The following CACNA1E variants were observed in gnomAD, a reference collection of about 807,000 sequenced individuals.
The protein encoded by CACNA1E is calcium voltage-gated channel subunit alpha1 E, also known as voltage-dependent R-type calcium channel subunit alpha-1E.
Under a neutral mutation model 259.2 loss-of-function variants are expected in CACNA1E, and 40 were observed. The observed-to-expected ratio is 0.15, with a 90% CI of 0.12 to 0.20. CACNA1E has a LOEUF of 0.20. Among genes scored for constraint, CACNA1E ranks in the 10% least tolerant of loss-of-function variants. The pLI is 1.00. For missense variants in CACNA1E, 1,874 were observed against 3,040.1 expected (o/e 0.62, Z 9.02); for synonymous variants, 1,104 against 1,138.5 (o/e 0.97, Z 0.61).
intron 1 of CACNA1E, among the ~76,000 whole-genome samples, chr1:181,402,827 A>T (rs998469355): frequency 6.6e-6 from 1 of 152,156 alleles, no homozygotes; most frequent in African/African-American, 2.4e-5. Context: ...TACAACCTAT[A>T]CTATCCTTAC....
chr1:181,804,101 T>A lies in CACNA1E; in HGVS notation c.*5267T>A, dbSNP rs1211579529. On this transcript the variant is annotated 3_prime_UTR_variant, in exon 48 of 48. Transcript: ENST00000367573. ...GTTTGCATTTTTATTTTTGGAGGTA[T>A]GAAAGAGTTGAGTAGACCAAGTCAA... 6.6e-6 allele frequency: 1 copy of A among 152,246 alleles called. No individual in the cohort carries two copies. Among genetic ancestry groups the A allele is most frequent in the East Asian group, 1.9e-4 (1 of 5,204 alleles). 9.4% of individuals were successfully genotyped at this position (152,246 alleles called of 1,614,324 possible).
chr1:181,551,097 C>T (rs1222119922), intron 3 of CACNA1E, among the ~76,000 whole-genome samples: 3 of 152,070 alleles, frequency 2.0e-5, no homozygotes, highest in Non-Finnish European at 4.4e-5. Context: ...ATGAGATTCC[C>T]CAGTGGCTCG....
Position 181,455,417 on chromosome 1 carries a change from C to T in CACNA1E, c.435-28327C>T, listed in dbSNP as rs113407923. 1.5e-3 allele frequency among the ~76,000 whole-genome samples: 235 copies of T among 152,230 alleles called. 1 individual carries two copies. The highest frequency in any genetic ancestry group is 5.3e-3 in the African/African-American group (221 of 41,532). ...GGGAGGCTTCCTCTTGAGAGGATAACGTGAGAAGAGCCTTGGGAGCAAGTG... is the reference window on the plus strand; with the variant it reads ...GGGAGGCTTCCTCTTGAGAGGATAATGTGAGAAGAGCCTTGGGAGCAAGTG... On this transcript the variant is annotated intron_variant, in intron 2 of 11. Coordinates refer to the CACNA1E transcript ENST00000524607.
rs1558317235 is a variant in CACNA1E at position 181,731,221 on chromosome 1, A to G, written c.2287A>G (p.Ser763Gly). ...CCACATGTCGATGTGGGAGCCACGC[A>G]GCAGCCACCTGTATGTGTGTACCAG... ...RHHMSMWEPR[S>G]SHLRERRRRH... Residue 763 changes from serine to glycine, a missense_variant, in exon 19 of 48, where the codon AGC (serine) becomes GGC (glycine). Coordinates refer to ENST00000367573, the MANE Select transcript of CACNA1E (RefSeq NM_001205293.3). 5 of 1,613,636 alleles carry G rather than the reference A, an allele frequency of 3.1e-6. No individual in the cohort carries two copies. The East Asian group carries it at 1.1e-4, about 36-fold the overall frequency.
Position 181,548,129 on chromosome 1 carries a change from C to CTTTTTTTTCTTTTTTTTTT in CACNA1E, c.513-29629_513-29628insCTTTTTTTTTTTTTTTTTT, listed in dbSNP as rs537628921. Among the ~76,000 whole-genome samples, 3 of 133,376 alleles carry CTTTTTTTTCTTTTTTTTTT rather than the reference C, an allele frequency of 2.2e-5. 1 individual carries two copies. Among genetic ancestry groups the CTTTTTTTTCTTTTTTTTTT allele is most frequent in the Non-Finnish European group, 3.0e-5 (2 of 65,732 alleles). 87.5% of individuals were successfully genotyped at this position (133,376 alleles called of 152,430 possible). On this transcript the variant is annotated intron_variant, in intron 3 of 47. Transcript: ENST00000367573. ...TCTGTTCCCATAACACTTTTTTTTT[C>CTTTTTTTTCTTTTTTTTTT]TTTTTTTTTTTTTGAGTCAGGGTCT...
chr1:181,666,970 CA>C (rs1648297438), intron 7 of CACNA1E, among the ~76,000 whole-genome samples: 1 of 151,968 alleles, frequency 6.6e-6, no homozygotes, highest in Admixed American at 6.6e-5. Context: ...AAAGAAAACA[CA>C]GACAATTTAA....
At position 181,483,949 on chromosome 1, in the gene CACNA1E, C is replaced by A. The variant is rs748342726; in HGVS notation, c.205C>A (p.Leu69Met). The A allele has an allele frequency of 6.2e-7, 1 of 1,613,480 alleles. No homozygotes were observed. The highest frequency in any genetic ancestry group is 1.1e-5 in the South Asian group (1 of 91,068). The change falls in exon 1 of 48, where the codon CTG (leucine) becomes ATG (methionine). Residue 69 changes from leucine (L) to methionine (M), a missense_variant. Leu to Met is a conservative substitution (Grantham distance 15). Coordinates refer to ENST00000367573, the MANE Select transcript of CACNA1E (RefSeq NM_001205293.3). ...GAACTGTTTCACCGTCAACAGATCC[C>A]TGTTCATCTTCGGAGAAGATAACAT... ...RQNCFTVNRS[L>M]FIFGEDNIVR...
chr1:181,356,931 A>G (rs1016710363), intron 1 of CACNA1E, among the ~76,000 whole-genome samples: 9 of 152,150 alleles, frequency 5.9e-5, no homozygotes, highest in African/African-American at 2.2e-4. Context: ...TCTAAATATA[A>G]CCACGGCAGC....
intron 6 of CACNA1E, among the ~76,000 whole-genome samples, chr1:181,627,426 G>C (rs889537764): frequency 6.6e-6 from 1 of 152,222 alleles, no homozygotes; most frequent in African/African-American, 2.4e-5. Context: ...TCAAAGGACC[G>C]TGAATGTTTC....
At chr1:181,399,305 C>T (rs1460257238) in intron 1 of CACNA1E, among the ~76,000 whole-genome samples, 2 of 150,256 alleles carry the variant, frequency 1.3e-5, no homozygotes, top group African/African-American at 4.9e-5. Flanking sequence ...TTAGAAAACA[C>T]TGAGTTATTT....
chr1:181,478,244 T>C (rs1348507156), intron 2 of CACNA1E, among the ~76,000 whole-genome samples: 2 of 152,218 alleles, frequency 1.3e-5, no homozygotes. Flanking sequence ...TTTAAAACAC[T>C]TTAAAACCAA....
At chr1:181,675,070 C>G (rs1260684323) in intron 7 of CACNA1E, among the ~76,000 whole-genome samples, 1 of 152,224 alleles carries the variant, frequency 6.6e-6, no homozygotes, top group African/African-American at 2.4e-5. Flanking sequence ...TGTAATTCCT[C>G]CAGTCTCCAG....
intron 1 of CACNA1E, among the ~76,000 whole-genome samples, chr1:181,403,965 C>A (rs1404546841): frequency 6.6e-6 from 1 of 152,180 alleles, no homozygotes; most frequent in Non-Finnish European, 1.5e-5. Context: ...TGTCCAGAGG[C>A]AGAGAGGGGC....
intron 7 of CACNA1E, among the ~76,000 whole-genome samples, chr1:181,700,564 C>T (rs989682924): frequency 6.6e-6 from 1 of 152,186 alleles, no homozygotes; most frequent in African/African-American, 2.4e-5. Context: ...AGAAATGAGA[C>T]AATTCCAAGA....
chr1:181,434,257 C>A (rs1167417936), intron 2 of CACNA1E, among the ~76,000 whole-genome samples: 1 of 152,170 alleles, frequency 6.6e-6, no homozygotes, highest in Admixed American at 6.5e-5. Flanking sequence ...TAGTTCCTGG[C>A]AGATAGTAAA....
intron 2 of CACNA1E, among the ~76,000 whole-genome samples, chr1:181,422,756 C>T (rs1658849270): frequency 6.6e-6 from 1 of 152,138 alleles, no homozygotes; most frequent in Non-Finnish European, 1.5e-5. Context: ...TGGTTCCTCA[C>T]CTTCAGGAGC....
intron 1 of CACNA1E, among the ~76,000 whole-genome samples, chr1:181,412,841 G>C (rs1022621035): frequency 6.6e-6 from 1 of 152,170 alleles, no homozygotes; most frequent in African/African-American, 2.4e-5. Context: ...GCAGTAGACT[G>C]TAAGTTTATG....
intron 1 of CACNA1E, among the ~76,000 whole-genome samples, chr1:181,398,544 C>G (rs1656858516): frequency 6.6e-6 from 1 of 152,170 alleles, no homozygotes; most frequent in Non-Finnish European, 1.5e-5. Context: ...AAAGCCAGGG[C>G]TGGAAGAAGG....
intron 43 of CACNA1E, 66 bp downstream of exon 43, chr1:181,785,885 C>A: frequency 9.9e-7 from 1 of 1,011,692 alleles, no homozygotes; most frequent in East Asian, 2.4e-5. Flanking sequence ...GTTGTGCAGA[C>A]CCCAAAACTC....
Sources: gnomAD v4.1 joint callset for allele counts (sites outside exome capture counted in the v4.1 genomes callset) on GRCh38, gnomAD v4.1.1 for gene constraint, MANE v1.5 for transcripts, NCBI Gene and HGNC (gene_info 2026-07-23, HGNC 2026-07-21) for gene names.